The following ATF7IP variants were observed in gnomAD, a reference collection of about 807,000 sequenced individuals.
ATF7IP encodes activating transcription factor 7 interacting protein.
ATF7IP carries 23 observed loss-of-function variants against 106.4 expected under a neutral mutation model. The ratio of observed to expected loss-of-function variants is 0.22; its 90% confidence interval spans 0.16 to 0.31. The LOEUF is 0.31. ATF7IP is among the 10% of genes least tolerant of loss of function. ATF7IP has a pLI of 1.00. For synonymous variants in ATF7IP, 542 were observed against 539.0 expected (o/e 1.01, Z -0.08); for missense variants, 1,334 against 1,524.3 (o/e 0.88, Z 2.08).
At chr12:14,463,765 A>T (rs1943725316) in intron 9 of ATF7IP, among the ~76,000 whole-genome samples, 1 of 152,160 alleles carries the variant, frequency 6.6e-6, no homozygotes, top group Non-Finnish European at 1.5e-5. Flanking sequence ...ACAAGATGAG[A>T]GATGGTGGTA....
chr12:14,370,569 ACATTGGGTGAATTT>A (rs1346789212), intron 1 of ATF7IP, among the ~76,000 whole-genome samples: 1 of 152,198 alleles, frequency 6.6e-6, no homozygotes, highest in Non-Finnish European at 1.5e-5. Context: ...CATTAAATTT[ACATTGGGTGAATTT>A]ATAACCTTAT....
At chr12:14,479,272 T>C (rs915810377) in intron 12 of ATF7IP, among the ~76,000 whole-genome samples, 25 of 152,364 alleles carry the variant, frequency 1.6e-4, no homozygotes, top group Admixed American at 1.5e-3. Flanking sequence ...AATTTTTAAA[T>C]GTGTCTTATC....
intron 1 of ATF7IP, among the ~76,000 whole-genome samples, chr12:14,373,900 T>G (rs1938624525): frequency 6.6e-6 from 1 of 152,050 alleles, no homozygotes; most frequent in Admixed American, 6.6e-5. Flanking sequence ...TTTGCAAGAA[T>G]TAGAATTTCA....
chr12:14,450,006 C>G (rs1591888324), intron 6 of ATF7IP, among the ~76,000 whole-genome samples: 2 of 152,030 alleles, frequency 1.3e-5, no homozygotes, highest in South Asian at 4.1e-4. Context: ...TATAGATATG[C>G]AACTGATTTT....
At chr12:14,385,957 C>G (rs896549004) in intron 1 of ATF7IP, among the ~76,000 whole-genome samples, 2 of 151,974 alleles carry the variant, frequency 1.3e-5, no homozygotes, top group African/African-American at 4.8e-5. Context: ...CTCCCAGTAT[C>G]CAACTCTTTG....
chr12:14,468,386 A>G (rs533123440), intron 10 of ATF7IP, among the ~76,000 whole-genome samples: 1 of 151,950 alleles, frequency 6.6e-6, no homozygotes, highest in East Asian at 1.9e-4. Context: ...CACGTCTATA[A>G]TCCCGGCACT....
At chr12:14,470,795 A>G (rs1944013938) in intron 10 of ATF7IP, among the ~76,000 whole-genome samples, 1 of 152,190 alleles carries the variant, frequency 6.6e-6, no homozygotes, top group African/African-American at 2.4e-5. Context: ...TACCAATTTT[A>G]TTTGTCAAAA....
rs11398583 is a variant in ATF7IP, at chr12:14,498,851, A to ATTT, written c.*788_*790dup. 19 of 149,848 alleles carry ATTT rather than the reference A, an allele frequency of 1.3e-4. No homozygotes were observed. In the East Asian group the frequency reaches 2.3e-3, roughly 18 times the overall value. The allele number at this position is 149,848 out of a possible 1,614,324, so 9.3% of individuals were successfully genotyped here. On this transcript the variant is annotated 3_prime_UTR_variant, in exon 15 of 15. Coordinates refer to ENST00000261168, the MANE Select transcript of ATF7IP (RefSeq NM_018179.5). The stretch of plus-strand genomic sequence containing the variant: ...CAAATATAGCACAACTCCTCAAGTA[A>ATTT]TTTTTTTTTTTTAAGATGGAGTTTT...
chr12:14,427,232 C>G (rs116562031), intron 2 of ATF7IP, among the ~76,000 whole-genome samples: 5,068 of 152,106 alleles, frequency 0.033, 150 homozygotes, highest in African/African-American at 0.074. Context: ...AGGTGATCCT[C>G]CCACCTAAGC....
intron 12 of ATF7IP, 99 bp downstream of exon 12, chr12:14,478,571 A>G: frequency 7.2e-7 from 1 of 1,390,540 alleles, no homozygotes; most frequent in African/African-American, 1.4e-5. Context: ...ATTAATATTC[A>G]TCTTGTTAAT....
chr12:14,420,846 G>T lies in ATF7IP; in HGVS notation c.-7-3063G>T, dbSNP rs541326000. ...TCAGTTAAGTTTCCAGGCATCAGGGGCTGCTTTTCTTTCTTTCTCAGGCCA... is the reference window on the plus strand; with the variant it reads ...TCAGTTAAGTTTCCAGGCATCAGGGTCTGCTTTTCTTTCTTTCTCAGGCCA... On this transcript the variant is annotated intron_variant, in intron 1 of 14. Coordinates refer to ENST00000261168, the MANE Select transcript of ATF7IP (RefSeq NM_018179.5). Among the ~76,000 whole-genome samples the T allele has an allele frequency of 5.9e-5, 9 of 152,226 alleles. 1 individual carries two copies. Among genetic ancestry groups the T allele is most frequent in the African/African-American group, 1.7e-4 (7 of 41,538 alleles).
At chr12:14,419,626 G>A (rs1296171954) in intron 1 of ATF7IP, among the ~76,000 whole-genome samples, 1 of 152,052 alleles carries the variant, frequency 6.6e-6, no homozygotes, top group Non-Finnish European at 1.5e-5. Context: ...CATTGTATCT[G>A]TATCTTTTGC....
chr12:14,484,092 G>T (rs1190095942), intron 13 of ATF7IP, among the ~76,000 whole-genome samples: 1 of 152,102 alleles, frequency 6.6e-6, no homozygotes, highest in African/African-American at 2.4e-5. Flanking sequence ...CCTGCCACCC[G>T]GTAGCTAGCT....
chr12:14,386,121 T>A (rs914239872), intron 1 of ATF7IP, among the ~76,000 whole-genome samples: 1 of 152,182 alleles, frequency 6.6e-6, no homozygotes, highest in African/African-American at 2.4e-5. Context: ...CCATCAGAGC[T>A]GAAGTACTCA....
At position 14,460,519 on chromosome 12, in the gene ATF7IP, C is replaced by T; in HGVS notation, c.2183C>T (p.Pro728Leu). The T allele has an allele frequency of 6.2e-7, 1 of 1,614,012 alleles. No homozygotes were observed. Among genetic ancestry groups the T allele is most frequent in the Non-Finnish European group, 8.5e-7 (1 of 1,179,926 alleles). The change falls in exon 9 of 15, where the codon CCT becomes CTT. Residue 728 changes from proline (P) to leucine (L), a missense_variant. By Grantham distance (98) the Pro-to-Leu change is moderately conservative. Coordinates refer to ENST00000261168, the MANE Select transcript of ATF7IP (RefSeq NM_018179.5). The part of the protein sequence containing the change: ...NTVSSTNLVT[P>L]PAVVSSQPKL... ...GTATCTTCAACCAATCTTGTCACTC[C>T]TCCAGCAGTTGTCAGTAGTCAACCT... is the stretch of plus-strand genomic sequence containing the variant.
intron 6 of ATF7IP, among the ~76,000 whole-genome samples, chr12:14,449,866 T>C (rs1382597967): frequency 6.6e-6 from 1 of 152,154 alleles, no homozygotes; most frequent in Non-Finnish European, 1.5e-5. Flanking sequence ...CTTTAAACTT[T>C]TTCCAACATT....
Position 14,500,487 on chromosome 12 carries a change from AAAG to A in ATF7IP, c.*2415_*2417del, listed in dbSNP as rs561405065. On this transcript the variant is annotated 3_prime_UTR_variant, in exon 15 of 15. Coordinates refer to ENST00000261168, the MANE Select transcript of ATF7IP (RefSeq NM_018179.5). The stretch of plus-strand genomic sequence containing the variant: ...AGTGTTATGGCAATGAAAATTTCAG[AAAG>A]GAGGAGTTGATGATCTTCTAGATGT... 44 of 152,300 alleles carry A rather than the reference AAAG, an allele frequency of 2.9e-4. No homozygotes were observed. Among genetic ancestry groups the A allele is most frequent in the Admixed American group, 9.8e-4 (15 of 15,298 alleles). 9.4% of individuals were successfully genotyped at this position (152,300 alleles called of 1,614,324 possible).
rs141591853 is a variant in ATF7IP at position 14,368,891 on chromosome 12, A to G, written c.-8+3064A>G. ...CACAGTAATTTTAAAATTACCTTTT[A>G]AGTGGTTTATGATTGTATATGTTAA... On this transcript the variant is annotated intron_variant, in intron 1 of 14. Coordinates refer to ENST00000261168, the MANE Select transcript of ATF7IP (RefSeq NM_018179.5). Among the ~76,000 whole-genome samples the G allele has an allele frequency of 4.4e-3, 673 of 151,502 alleles. 3 individuals are homozygous for G. Among genetic ancestry groups the G allele is most frequent in the East Asian group, 0.015 (77 of 5,160 alleles).
chr12:14,454,447 C>T (rs892105925), intron 6 of ATF7IP, among the ~76,000 whole-genome samples: 3 of 152,204 alleles, frequency 2.0e-5, no homozygotes, highest in African/African-American at 7.2e-5. Context: ...ATTAGTCCTC[C>T]ATGTTGGGTA....
Sources: gnomAD v4.1 joint callset for allele counts (sites outside exome capture counted in the v4.1 genomes callset) on GRCh38, gnomAD v4.1.1 for gene constraint, MANE v1.5 for transcripts, NCBI Gene and HGNC (gene_info 2026-07-23, HGNC 2026-07-21) for gene names.